The following ERCC1 variants were observed in gnomAD, a reference collection of about 807,000 sequenced individuals.
ERCC1 encodes DNA excision repair protein ERCC-1.
Under a neutral mutation model 37.6 loss-of-function variants are expected in ERCC1, and 36 were observed. The ratio of observed to expected loss-of-function variants is 0.96; its 90% CI spans 0.73 to 1.26. The LOEUF (loss-of-function observed/expected upper bound fraction) is 1.26, where lower values mean the gene tolerates loss of function less well. ERCC1 is among the 50% of genes most tolerant of loss of function. ERCC1 has a pLI of 0.00. For synonymous variants in ERCC1, 156 were observed against 162.1 expected, an observed-to-expected ratio of 0.96 and a Z score of 0.28; for missense variants, 349 against 376.5, an observed-to-expected ratio of 0.93 and a Z score of 0.60.
Position 45,409,330 on chromosome 19 carries a change from G to T in ERCC1, c.*345C>A. ...CAGGGGAGGGACAGCCTGAAGCCAG[G>T]GCAACTCCGGGATCCACCAAGAAGA... On this transcript the variant is annotated 3_prime_UTR_variant, in exon 10 of 10. Transcript: ENST00000300853. 1.2e-6 allele frequency: 2 copies of T among 1,614,066 alleles called. No individual in the cohort carries two copies. Among genetic ancestry groups the T allele is most frequent in the Non-Finnish European group, 8.5e-7 (1 of 1,180,008 alleles).
rs779613107 is a variant in ERCC1, at chr19:45,419,131, G to A, written c.492C>T (p.Phe164=). ...HGRLQSLGKN[F]ALRVLLVQVD... is the part of the protein sequence containing the mutation. The stretch of plus-strand genomic sequence containing the variant: ...CCTGGACAAGCAGGACCCGCAAGGC[G>A]AAGTTCTTCCCCAGGCTCTGCAGCC... The change falls in exon 5 of 10, where the codon TTC becomes TTT. Residue 164 remains phenylalanine (F), a synonymous_variant. Coordinates refer to ENST00000300853, the MANE Select transcript of ERCC1 (RefSeq NM_001983.4). 6.9e-6 allele frequency: 11 copies of A among 1,592,560 alleles called. No homozygotes were observed. The highest frequency in any genetic ancestry group is 2.3e-5 in the South Asian group (2 of 87,728).
At chr19:45,414,805 AC>A in intron 7 of ERCC1, 55 bp downstream of exon 7, 1 of 1,279,636 alleles carries the variant, frequency 7.8e-7, no homozygotes, top group Non-Finnish European at 1.1e-6. Flanking sequence ...CTGAAGCTCA[AC>A]CACCCAGGAG....
chr19:45,434,173 AAAAG>A (rs1974912584), intron 1 of ERCC1, among the ~76,000 whole-genome samples: 1 of 146,788 alleles, frequency 6.8e-6, no homozygotes, highest in Non-Finnish European at 1.5e-5. Flanking sequence ...AAAAAAAAAA[AAAAG>A]AGGAAGAAGA....
rs917141254 is a variant in ERCC1, at chr19:45,409,570, C to A, written c.*105G>T. On this transcript the variant is annotated 3_prime_UTR_variant, in exon 10 of 10. Transcript: ENST00000300853. ...CCACCTGGGCCACCAGAAGGTGACA[C>A]CCCCAGAATCCCTCCCCAGAGACTG... 6.4e-7 allele frequency: 1 copy of A among 1,572,586 alleles called. No individual in the cohort carries two copies. Among genetic ancestry groups the A allele is most frequent in the South Asian group, 1.2e-5 (1 of 86,536 alleles).
chr19:45,407,375 A>AG lies in ERCC1; in HGVS notation c.*2299dup. 5.4e-6 allele frequency: 4 copies of AG among 737,402 alleles called. No homozygotes were observed. The highest frequency in any genetic ancestry group is 8.7e-6 in the Non-Finnish European group (4 of 459,792). 45.7% of individuals were successfully genotyped at this position (737,402 alleles called of 1,614,324 possible). A position where few individuals can be genotyped will look rare whatever the true frequency, so the allele number is the denominator to read the frequency against. ...AGTTTATTGGAAACTACTCCTTTAC[A>AG]GAGTAGAGTGTCCTCAGAAAGCAGG... On this transcript the variant is annotated 3_prime_UTR_variant, in exon 10 of 10. Coordinates refer to ENST00000300853, the MANE Select transcript of ERCC1 (RefSeq NM_001983.4).
chr19:45,419,109 G>A lies in ERCC1; in HGVS notation c.514C>T (p.Gln172Ter), dbSNP rs1270846399. The A allele has an allele frequency of 6.3e-7, 1 of 1,578,380 alleles. No homozygotes were observed. Among genetic ancestry groups the A allele is most frequent in the South Asian group, 1.2e-5 (1 of 86,496 alleles). The part of the protein sequence containing the change: ...KNFALRVLLV[Q>*]VDVKDPQQAL... Reference sequence around the variant, plus strand: ...CAGCCCCTGCTTACCACATCCACCTGGACAAGCAGGACCCGCAAGGCGAAG... The same window carrying A: ...CAGCCCCTGCTTACCACATCCACCTAGACAAGCAGGACCCGCAAGGCGAAG... The change falls in exon 5 of 10, where the codon CAG (glutamine) becomes TAG (stop). Residue 172 changes from glutamine (Q) to a stop codon, truncating the protein, a stop_gained. Coordinates refer to ENST00000300853, the MANE Select transcript of ERCC1 (RefSeq NM_001983.4). LOFTEE classifies it high-confidence loss of function.
chr19:45,414,064 G>A (rs1206099093), intron 7 of ERCC1, 30 bp from the exon 8 acceptor site: 2 of 1,585,548 alleles, frequency 1.3e-6, no homozygotes, highest in African/African-American at 2.7e-5. Flanking sequence ...GAGTGTGTCG[G>A]AAGAAGAAAG....
chr19:45,425,553 A>G (rs1296161234), upstream of ERCC1, among the ~76,000 whole-genome samples: 1 of 151,742 alleles, frequency 6.6e-6, no homozygotes, highest in Non-Finnish European at 1.5e-5. Flanking sequence ...TATTTTTAGT[A>G]GAGACGGAGT....
chr19:45,419,860 C>T (rs1325789203), intron 4 of ERCC1, among the ~76,000 whole-genome samples: 1 of 151,108 alleles, frequency 6.6e-6, no homozygotes, highest in Non-Finnish European at 1.5e-5. Flanking sequence ...CTCCCTTAGA[C>T]CCAGGAATCT....
intron 1 of ERCC1, among the ~76,000 whole-genome samples, chr19:45,435,200 A>C (rs951729835): frequency 6.6e-6 from 1 of 152,148 alleles, no homozygotes; most frequent in African/African-American, 2.4e-5. Flanking sequence ...TACAGGCATG[A>C]GCCACTGTGC....
At chr19:45,412,066 A>G (rs1215081885) in intron 9 of ERCC1, among the ~76,000 whole-genome samples, 1 of 151,652 alleles carries the variant, frequency 6.6e-6, no homozygotes, top group Non-Finnish European at 1.5e-5. Context: ...TCACCATGTT[A>G]GCCATGATGG....
intron 6 of ERCC1, among the ~76,000 whole-genome samples, chr19:45,416,142 T>A (rs1974057064): frequency 6.6e-6 from 1 of 151,810 alleles, no homozygotes; most frequent in Non-Finnish European, 1.5e-5. Flanking sequence ...CTCAAAAAAA[T>A]AATAATAAAG....
At chr19:45,438,793 C>G (rs1975045753) in intron 1 of ERCC1, among the ~76,000 whole-genome samples, 1 of 151,788 alleles carries the variant, frequency 6.6e-6, no homozygotes, top group Non-Finnish European at 1.5e-5. Context: ...AGGCATGCGC[C>G]ACCACGCCCG....
intron 1 of ERCC1, among the ~76,000 whole-genome samples, chr19:45,434,507 G>C (rs115624663): frequency 0.021 from 3,249 of 152,102 alleles, 112 homozygotes; most frequent in African/African-American, 0.074. Flanking sequence ...AAAGAAAAGA[G>C]AATCTATCTG....
chr19:45,408,248 C>T lies in ERCC1; in HGVS notation c.*1427G>A. The T allele has an allele frequency of 6.2e-7, 1 of 1,614,128 alleles. No individual in the cohort carries two copies. Among genetic ancestry groups the T allele is most frequent in the Non-Finnish European group, 8.5e-7 (1 of 1,180,002 alleles). ...CTGTCCCCAAGCTGGAGAAGCGACC[C>T]TGCTGGCCCCCTCAACGGAGGCAGG... On this transcript the variant is annotated 3_prime_UTR_variant, in exon 10 of 10. Coordinates refer to ENST00000300853, the MANE Select transcript of ERCC1 (RefSeq NM_001983.4).
Position 45,408,813 on chromosome 19 carries a change from C to G in ERCC1, c.*862G>C, listed in dbSNP as rs1973505270. 1 of 1,613,902 alleles carries G rather than the reference C, an allele frequency of 6.2e-7. No homozygotes were observed. Among genetic ancestry groups the G allele is most frequent in the Non-Finnish European group, 8.5e-7 (1 of 1,180,024 alleles). Reference sequence around the variant, plus strand: ...ATTAACACTGAGCCTCTAGAAGACACAGTCCTGTCCCCGACCAAAAAGAGA... The same window carrying G: ...ATTAACACTGAGCCTCTAGAAGACAGAGTCCTGTCCCCGACCAAAAAGAGA... On this transcript the variant is annotated 3_prime_UTR_variant, in exon 10 of 10. Transcript: ENST00000300853.
chr19:45,407,995 A>G lies in ERCC1; in HGVS notation c.*1680T>C. ...CTTGAACCCAGGAGGTGGACATTGCAGTGAGCCGAGATCATGCCACTGCAC... is the reference window on the plus strand; with the variant it reads ...CTTGAACCCAGGAGGTGGACATTGCGGTGAGCCGAGATCATGCCACTGCAC... On this transcript the variant is annotated 3_prime_UTR_variant, in exon 10 of 10. Coordinates refer to ENST00000300853, the MANE Select transcript of ERCC1 (RefSeq NM_001983.4). 8.9e-7 allele frequency: 1 copy of G among 1,126,308 alleles called. No homozygotes were observed. 69.8% of individuals were successfully genotyped at this position (1,126,308 alleles called of 1,614,324 possible).
intron 1 of ERCC1, among the ~76,000 whole-genome samples, chr19:45,442,309 C>T (rs537695281): frequency 3.0e-4 from 42 of 140,706 alleles, no homozygotes; most frequent in Non-Finnish European, 5.7e-4. Flanking sequence ...AACAGAGACC[C>T]TGTCTCAAAA....
chr19:45,428,272 G>C, upstream of ERCC1, among the ~76,000 whole-genome samples: 1 of 142,940 alleles, frequency 7.0e-6, no homozygotes, highest in African/African-American at 2.8e-5. Flanking sequence ...TTTTGTAGAG[G>C]CGTGGGGGTG....
Sources: allele counts gnomAD v4.1 joint callset (sites outside exome capture counted in the v4.1 genomes callset), GRCh38; gene constraint gnomAD v4.1.1; transcripts MANE v1.5; gene names NCBI Gene and HGNC (gene_info 2026-07-23, HGNC 2026-07-21).